Variants in ANKRD30BL observed in about 807,000 individuals in gnomAD.
ANKRD30BL encodes the protein ankyrin repeat domain 30B like.
In ANKRD30BL, 20 loss-of-function variants were observed where a neutral mutation model predicts 18.4. The observed-to-expected ratio is 1.09, with a 90% CI of 0.77 to 1.58. ANKRD30BL has a LOEUF of 1.58. Among genes scored for constraint, ANKRD30BL ranks in the 40% most tolerant of loss-of-function variants. ANKRD30BL has a pLI of 0.00. For missense variants in ANKRD30BL, 224 were observed against 268.6 expected, an observed-to-expected ratio of 0.83 and a Z score of 1.16; for synonymous variants, 72 against 100.9, an observed-to-expected ratio of 0.71 and a Z score of 1.72.
Position 132,157,309 on chromosome 2 carries a change from C to T in ANKRD30BL, c.333G>A (p.Lys111=). Residue 111 remains lysine, a splice_region_variant and synonymous_variant, in exon 2 of 6, where the codon AAG becomes AAA. Coordinates refer to ENST00000409867, the MANE Select transcript of ANKRD30BL (RefSeq NM_001358416.1). Reference sequence around the variant, plus strand: ...GCTGAAAGAACTGGCTACCATTTACCTTCATCAGAATGGTCCTGTTTTCAC... The same window carrying T: ...GCTGAAAGAACTGGCTACCATTTACTTTCATCAGAATGGTCCTGTTTTCAC... ...LDGENRTILM[K]ALQCQREACA... is the part of the protein sequence containing the mutation. 1 of 771,174 alleles carries T rather than the reference C, an allele frequency of 1.3e-6. No homozygotes were observed. 47.8% of individuals were successfully genotyped at this position (771,174 alleles called of 1,614,324 possible).
chr2:132,154,671 T>G lies in ANKRD30BL; in HGVS notation c.605A>C (p.Lys202Thr), dbSNP rs1687851219. 1.4e-6 allele frequency: 1 copy of G among 719,226 alleles called. No homozygotes were observed. The highest frequency in any genetic ancestry group is 2.6e-6 in the Non-Finnish European group (1 of 386,062). The allele number at this position is 719,226 out of a possible 1,614,324, so 44.6% of individuals were successfully genotyped here. Residue 202 changes from lysine (K) to threonine (T), a missense_variant, in exon 4 of 6, where the codon AAG (lysine) becomes ACG (threonine). Physicochemically the swap from Lys to Thr is moderately conservative, Grantham distance 78. This residue lies in a region of ANKRD30BL where 63 missense variants were observed against 62.3 expected (regional missense o/e 1.01). Transcript: ENST00000409867. Reference sequence around the variant, plus strand: ...AAAAAAACTACTATACCATTTAAACTTATCAACTGCATTTGCATTTGCATT... The same window carrying G: ...AAAAAAACTACTATACCATTTAAACGTATCAACTGCATTTGCATTTGCATT... ...TKNANANAVDKFKCVHQQLLE... is the reference protein window; with the variant it reads ...TKNANANAVDTFKCVHQQLLE...
At chr2:132,219,693 CT>C (rs1224872181) in intron 1 of ANKRD30BL, among the ~76,000 whole-genome samples, 35 of 152,012 alleles carry the variant, frequency 2.3e-4, no homozygotes, top group Non-Finnish European at 4.3e-4. Context: ...TCAGAGGCTT[CT>C]TTTTGATGTT....
chr2:132,231,636 TA>T (rs1453065771), intron 1 of ANKRD30BL, among the ~76,000 whole-genome samples: 1 of 152,076 alleles, frequency 6.6e-6, no homozygotes, highest in African/African-American at 2.4e-5. Context: ...CGGACCGGCT[TA>T]AAAAACGGCA....
At chr2:132,151,281 T>G (rs1010345007) in intron 4 of ANKRD30BL, among the ~76,000 whole-genome samples, 1 of 152,168 alleles carries the variant, frequency 6.6e-6, no homozygotes, top group African/African-American at 2.4e-5. Context: ...CCAACAGGTA[T>G]TTTTTCTTGA....
intron 1 of ANKRD30BL, among the ~76,000 whole-genome samples, chr2:132,217,328 G>T (rs533206674): frequency 1.4e-4 from 22 of 152,222 alleles, no homozygotes; most frequent in African/African-American, 5.3e-4. Flanking sequence ...TCACCTCACA[G>T]AATTGAACCT....
At chr2:132,169,401 C>T (rs1688238336) in intron 1 of ANKRD30BL, among the ~76,000 whole-genome samples, 1 of 151,712 alleles carries the variant, frequency 6.6e-6, no homozygotes, top group African/African-American at 2.4e-5. Flanking sequence ...GTAATCCCAG[C>T]ACTTTGGGAG....
chr2:132,228,287 G>A (rs569485386), intron 1 of ANKRD30BL, among the ~76,000 whole-genome samples: 19 of 150,588 alleles, frequency 1.3e-4, no homozygotes, highest in Non-Finnish European at 2.2e-4. Flanking sequence ...AGAAGAATTC[G>A]GAGAAGCTTC....
chr2:132,243,699 A>G (rs1346224904), intron 1 of ANKRD30BL, among the ~76,000 whole-genome samples: 1 of 151,586 alleles, frequency 6.6e-6, no homozygotes, highest in Admixed American at 6.6e-5. Flanking sequence ...GGATATTTTG[A>G]CTGCTTTGAC....
chr2:132,185,645 T>C lies in ANKRD30BL; in HGVS notation n.442-28499A>G, dbSNP rs146298384. On this transcript the variant is annotated intron_variant and non_coding_transcript_variant, in intron 1 of 4. Transcript: ENST00000470729. ...GACTGTGACAGGAGATTATGTGATGTTCATGAGGTGATCATACTGTCTCTG... is the reference window on the plus strand; with the variant it reads ...GACTGTGACAGGAGATTATGTGATGCTCATGAGGTGATCATACTGTCTCTG... 9.6e-3 allele frequency among the ~76,000 whole-genome samples: 1,461 copies of C among 152,298 alleles called. 19 individuals are homozygous for C. Among genetic ancestry groups the C allele is most frequent in the African/African-American group, 0.032 (1,328 of 41,552 alleles).
At chr2:132,211,751 A>T (rs1573846985) in intron 1 of ANKRD30BL, among the ~76,000 whole-genome samples, 1 of 151,412 alleles carries the variant, frequency 6.6e-6, no homozygotes, top group Admixed American at 6.6e-5. Context: ...CATAAAAACT[A>T]CACAGAAGCA....
chr2:132,204,601 C>A (rs566938546), intron 1 of ANKRD30BL, among the ~76,000 whole-genome samples: 1 of 151,924 alleles, frequency 6.6e-6, no homozygotes, highest in South Asian at 2.1e-4. Flanking sequence ...GCAGTACAGG[C>A]ATGATGTGAT....
At chr2:132,253,189 G>C (rs76728954) in intron 1 of ANKRD30BL, 30 of 215,580 alleles carry the variant, frequency 1.4e-4, no homozygotes, top group Non-Finnish European at 2.5e-4. Flanking sequence ...GGAGGAACCC[G>C]GGCCGCAAGT....
intron 1 of ANKRD30BL, among the ~76,000 whole-genome samples, chr2:132,185,916 G>A (rs113671975): frequency 0.015 from 2,256 of 152,194 alleles, 70 homozygotes; most frequent in African/African-American, 0.052. Flanking sequence ...TGAGGAGGAC[G>A]GATCACTTGA....
chr2:132,201,494 C>T (rs1205544903), intron 1 of ANKRD30BL, among the ~76,000 whole-genome samples: 1 of 152,308 alleles, frequency 6.6e-6, no homozygotes, highest in East Asian at 1.9e-4. Flanking sequence ...CATGAACAGA[C>T]ACTTCTCAAA....
chr2:132,208,245 A>C (rs1473126761), intron 1 of ANKRD30BL, among the ~76,000 whole-genome samples: 1 of 152,130 alleles, frequency 6.6e-6, no homozygotes, highest in Non-Finnish European at 1.5e-5. Context: ...TTTAGAATAC[A>C]CATCCAAATA....
chr2:132,231,388 C>T (rs112593422), intron 1 of ANKRD30BL, among the ~76,000 whole-genome samples: 21 of 152,316 alleles, frequency 1.4e-4, no homozygotes, highest in South Asian at 4.1e-4. Context: ...GCGTGAGCGA[C>T]GCAGAAGACA....
At chr2:132,240,490 T>C in intron 1 of ANKRD30BL, among the ~76,000 whole-genome samples, 1 of 151,902 alleles carries the variant, frequency 6.6e-6, no homozygotes, top group Non-Finnish European at 1.5e-5. Flanking sequence ...AGGAAATATC[T>C]TCCCATAAAA....
At chr2:132,173,252 G>T (rs1688311634) in intron 1 of ANKRD30BL, among the ~76,000 whole-genome samples, 1 of 150,042 alleles carries the variant, frequency 6.7e-6, no homozygotes, top group East Asian at 2.0e-4. Context: ...TTTGCCTGTG[G>T]ATATCCAGTT....
At chr2:132,216,384 G>T (rs374212109) in intron 1 of ANKRD30BL, among the ~76,000 whole-genome samples, 1 of 151,738 alleles carries the variant, frequency 6.6e-6, no homozygotes. Flanking sequence ...GAAGCATCCT[G>T]AGAAACTTCT....
Sources: allele counts gnomAD v4.1 joint callset (sites outside exome capture counted in the v4.1 genomes callset), GRCh38; gene constraint gnomAD v4.1.1; regional missense constraint gnomAD v4.1.1; transcripts MANE v1.5; gene names NCBI Gene and HGNC (gene_info 2026-07-23, HGNC 2026-07-21).